KLRD1: variants seen among roughly 807,000 people sequenced by gnomAD.
KLRD1 encodes killer cell lectin like receptor D1.
Under a neutral mutation model 22.6 loss-of-function variants are expected in KLRD1, and 21 were observed. That is an observed-to-expected ratio of 0.93 (90% CI 0.66 to 1.34). The LOEUF (loss-of-function observed/expected upper bound fraction) is 1.34. Among genes scored for constraint, KLRD1 ranks in the 40% most tolerant of loss-of-function variants. KLRD1 has a pLI of 0.00. For synonymous variants in KLRD1, 59 were observed against 71.1 expected, an observed-to-expected ratio of 0.83 and a Z score of 0.85; for missense variants, 183 against 208.6, an observed-to-expected ratio of 0.88 and a Z score of 0.76.
chr12:10,239,477 C>CCTTCCTTCCTT (rs1565443232), intron 1 of KLRD1, among the ~76,000 whole-genome samples: 5 of 102,482 alleles, frequency 4.9e-5, no homozygotes, highest in Non-Finnish European at 7.7e-5. Context: ...TTCCTTCCTT[C>CCTTCCTTCCTT]CTTCCTTCTT....
intron 1 of KLRD1, among the ~76,000 whole-genome samples, chr12:10,261,241 G>A (rs1457889489): frequency 6.6e-6 from 1 of 152,096 alleles, no homozygotes; most frequent in African/African-American, 2.4e-5. Context: ...TAAGAATACT[G>A]TATGGAAATT....
At chr12:10,304,860 T>A (rs1018753066), upstream of KLRD1, among the ~76,000 whole-genome samples, 1 of 152,182 alleles carries the variant, frequency 6.6e-6, no homozygotes, top group Admixed American at 6.5e-5. Flanking sequence ...ATGTTTACAA[T>A]GAGATTTTAC....
chr12:10,309,658 A>G lies in KLRD1; in HGVS notation c.133A>G (p.Thr45Ala). 1 of 1,613,306 alleles carries G rather than the reference A, an allele frequency of 6.2e-7. No homozygotes were observed. Residue 45 changes from threonine to alanine, a missense_variant, in exon 3 of 6, where the codon ACT (threonine) becomes GCT (alanine). Physicochemically the swap from Thr to Ala is moderately conservative, Grantham distance 58 (BLOSUM62 0). Transcript: ENST00000336164. ...TAAACTGAGTATTGAGCCAGCATTT[A>G]CTCCAGGACCCAACATAGAACTCCA... ...FTKLSIEPAF[T>A]PGPNIELQKD...
intron 1 of KLRD1, among the ~76,000 whole-genome samples, chr12:10,244,593 C>T (rs963132670): frequency 2.2e-4 from 33 of 151,960 alleles, no homozygotes; most frequent in African/African-American, 7.5e-4. Context: ...ACCAGCCTGG[C>T]CAAAATGGTG....
intron 1 of KLRD1, among the ~76,000 whole-genome samples, chr12:10,253,217 A>G (rs1408932048): frequency 6.6e-6 from 1 of 152,088 alleles, no homozygotes; most frequent in African/African-American, 2.4e-5. Context: ...TTCAACTGTA[A>G]GTTCTTTGAA....
At chr12:10,301,027 GT>G (rs2137676603), upstream of KLRD1, among the ~76,000 whole-genome samples, 1 of 152,252 alleles carries the variant, frequency 6.6e-6, no homozygotes, top group East Asian at 1.9e-4. Context: ...GTTGTGACTG[GT>G]TTGATCTCTT....
At chr12:10,278,424 A>C (rs541417190) in intron 1 of KLRD1, among the ~76,000 whole-genome samples, 1 of 152,258 alleles carries the variant, frequency 6.6e-6, no homozygotes, top group South Asian at 2.1e-4. Context: ...CATGCTCCCT[A>C]CCATCTGTAG....
At chr12:10,239,485 C>A (rs147106286) in intron 1 of KLRD1, among the ~76,000 whole-genome samples, 1 of 105,910 alleles carries the variant, frequency 9.4e-6, no homozygotes, top group African/African-American at 6.1e-5. Context: ...TTCCTTCCTT[C>A]TTCCTTCCTT....
rs139320151 is a variant in KLRD1, at chr12:10,249,167, C to T, written c.-101+22934C>T. On this transcript the variant is annotated intron_variant, in intron 1 of 5. Coordinates refer to the KLRD1 transcript ENST00000544747. ...CATGGAGTCATTGGCATCAGCCAAC[C>T]GGTGGGGGAGATTCTAAATTAGGCT... Among the ~76,000 whole-genome samples, 34 of 152,136 alleles carry T rather than the reference C, an allele frequency of 2.2e-4. 1 individual carries two copies. The highest frequency in any genetic ancestry group is 6.8e-4 in the African/African-American group (28 of 41,476).
At chr12:10,255,292 C>T (rs556734560) in intron 1 of KLRD1, among the ~76,000 whole-genome samples, 2 of 152,258 alleles carry the variant, frequency 1.3e-5, no homozygotes, top group African/African-American at 4.8e-5. Flanking sequence ...TTAATCTTTT[C>T]TAAGGTCCAA....
chr12:10,286,163 C>T (rs7304129), intron 1 of KLRD1, among the ~76,000 whole-genome samples: 145,271 of 152,240 alleles, frequency 0.95, 69,686 homozygotes, highest in East Asian at 1. Flanking sequence ...CTGTACCATA[C>T]GGTGTGATGT....
At chr12:10,270,815 G>T (rs1187395099) in intron 1 of KLRD1, among the ~76,000 whole-genome samples, 1 of 146,522 alleles carries the variant, frequency 6.8e-6, no homozygotes, top group African/African-American at 2.5e-5. Context: ...ACAGAGTCTC[G>T]CTCTGTCGCC....
chr12:10,280,528 G>A (rs760471924), intron 1 of KLRD1, among the ~76,000 whole-genome samples: 7 of 151,988 alleles, frequency 4.6e-5, no homozygotes, highest in Admixed American at 1.3e-4. Flanking sequence ...TGATGTTCAC[G>A]CCGTGCTCCA....
chr12:10,277,711 A>G (rs1949604617), intron 1 of KLRD1, among the ~76,000 whole-genome samples: 1 of 152,194 alleles, frequency 6.6e-6, no homozygotes, highest in South Asian at 2.1e-4. Flanking sequence ...TATACTATTT[A>G]GAAATTATAA....
At position 10,239,406 on chromosome 12, in the gene KLRD1, TTCCTTCCTTCTTTCCA is replaced by T. The variant is rs1180075823; in HGVS notation, c.-101+13184_-101+13199del. On this transcript the variant is annotated intron_variant, in intron 1 of 5. Transcript: ENST00000544747. ...ATACCAATTTGGCAGCAGCATTTCCTTCCTTCCTTCTTTCCATCCTTCCTTCCTTTCCTTCCTTCCT... is the reference window on the plus strand; with the variant it reads ...ATACCAATTTGGCAGCAGCATTTCCTTCCTTCCTTCCTTTCCTTCCTTCCT... Among the ~76,000 whole-genome samples, 516 of 127,942 alleles carry T rather than the reference TTCCTTCCTTCTTTCCA, an allele frequency of 4.0e-3. 56 individuals are homozygous for T. The highest frequency in any genetic ancestry group is 0.014 in the African/African-American group (480 of 34,834). 83.9% of individuals were successfully genotyped at this position (127,942 alleles called of 152,430 possible).
chr12:10,255,592 A>G (rs1949388014), intron 1 of KLRD1, among the ~76,000 whole-genome samples: 1 of 151,892 alleles, frequency 6.6e-6, no homozygotes, highest in Non-Finnish European at 1.5e-5. Context: ...TCTTTGACTC[A>G]TTGGTTATTT....
intron 1 of KLRD1, among the ~76,000 whole-genome samples, chr12:10,241,248 C>T (rs901563995): frequency 3.3e-5 from 5 of 152,156 alleles, no homozygotes; most frequent in Admixed American, 2.0e-4. Context: ...TTCACCTCAT[C>T]AATTATTAGG....
chr12:10,274,204 C>T (rs1042776008), intron 1 of KLRD1, among the ~76,000 whole-genome samples: 6 of 152,010 alleles, frequency 3.9e-5, no homozygotes, highest in Admixed American at 6.6e-5. Flanking sequence ...CGCTTGAACC[C>T]GGGAGGCAGA....
At chr12:10,268,039 G>A (rs1170309529) in intron 1 of KLRD1, among the ~76,000 whole-genome samples, 1 of 152,186 alleles carries the variant, frequency 6.6e-6, no homozygotes, top group Non-Finnish European at 1.5e-5. Context: ...AAACTAATCA[G>A]TAAAGGTAAG....
Sources: allele counts gnomAD v4.1 joint callset (sites outside exome capture counted in the v4.1 genomes callset), GRCh38; gene constraint gnomAD v4.1.1; transcripts MANE v1.5; gene names NCBI Gene and HGNC (gene_info 2026-07-23, HGNC 2026-07-21).